The following TACC2 variants were observed in gnomAD, a reference collection of about 807,000 sequenced individuals.
The protein encoded by TACC2 is transforming acidic coiled-coil-containing protein 2.
In TACC2, 137 loss-of-function variants were observed where a neutral mutation model predicts 227.3. The observed-to-expected ratio is 0.60, with a 90% CI of 0.52 to 0.69. TACC2 has a LOEUF of 0.69. Ranked by LOEUF, TACC2 falls within the 30% of genes least tolerant of loss-of-function variation. TACC2 has a pLI of 0.00. For missense variants in TACC2, 3,470 were observed against 3,694.4 expected (o/e 0.94, Z 1.57); for synonymous variants, 1,523 against 1,487.5 (o/e 1.02, Z -0.55).
At chr10:122,089,706 C>T (rs903718490) in intron 5 of TACC2, among the ~76,000 whole-genome samples, 3 of 151,750 alleles carry the variant, frequency 2.0e-5, no homozygotes, top group African/African-American at 7.3e-5. Context: ...TAAATTAGTA[C>T]CTGTGTACCC....
chr10:122,071,058 A>G (rs1312045351), intron 3 of TACC2, among the ~76,000 whole-genome samples: 1 of 152,254 alleles, frequency 6.6e-6, no homozygotes, highest in African/African-American at 2.4e-5. Context: ...GCATTTTTCC[A>G]TGAAGCACTA....
chr10:122,132,799 C>G (rs530373607), intron 6 of TACC2, 65 bp downstream of exon 6: 1 of 1,556,410 alleles, frequency 6.4e-7, no homozygotes, highest in South Asian at 1.1e-5. Flanking sequence ...CTGCCTTCCC[C>G]CGCTCCCCTC....
At chr10:122,132,535 G>A in intron 5 of TACC2, 74 bp from the exon 6 acceptor site, 1 of 1,586,068 alleles carries the variant, frequency 6.3e-7, no homozygotes, top group South Asian at 1.1e-5. Context: ...GATAAGAAAA[G>A]CGAAACTCCG....
At chr10:122,144,480 A>G (rs559831914) in intron 7 of TACC2, among the ~76,000 whole-genome samples, 2 of 152,304 alleles carry the variant, frequency 1.3e-5, no homozygotes, top group African/African-American at 4.8e-5. Flanking sequence ...TAGAGAGCCA[A>G]ATGCATCTGG....
At chr10:122,214,346 TA>T (rs1483652028) in intron 9 of TACC2, among the ~76,000 whole-genome samples, 8 of 152,230 alleles carry the variant, frequency 5.3e-5, no homozygotes, top group African/African-American at 1.9e-4. Flanking sequence ...AATAGCCATT[TA>T]TTTTTTTTTC....
Position 122,194,842 on chromosome 10 carries a change from T to G in TACC2, c.5835-198T>G, listed in dbSNP as rs766594972. ...GAGCCGAGTTCAAAGAATACATCATTTGTGTGCAATCAGAGCCAGTGATAA... is the reference window on the plus strand; with the variant it reads ...GAGCCGAGTTCAAAGAATACATCATGTGTGTGCAATCAGAGCCAGTGATAA... On this transcript the variant is annotated intron_variant, in intron 7 of 22. Transcript: ENST00000369005. The surrounding 1 kb of genome is among the most constrained non-coding windows in gnomAD (Gnocchi z 4.4). 2.2e-4 allele frequency among the ~76,000 whole-genome samples: 33 copies of G among 152,128 alleles called. No homozygotes were observed. The highest frequency in any genetic ancestry group is 4.4e-4 in the Non-Finnish European group (30 of 68,032).
intron 5 of TACC2, among the ~76,000 whole-genome samples, chr10:122,093,332 G>T (rs1390253714): frequency 2.6e-5 from 4 of 152,044 alleles, no homozygotes; most frequent in Non-Finnish European, 4.4e-5. Flanking sequence ...CTTCTCTCTT[G>T]TCCTCCCATG....
intron 2 of TACC2, among the ~76,000 whole-genome samples, chr10:122,039,624 G>A (rs978701531): frequency 1.3e-5 from 2 of 152,114 alleles, no homozygotes; most frequent in African/African-American, 2.4e-5. Flanking sequence ...ACCTCTCCTC[G>A]GAGCCTCTAG....
At chr10:122,057,600 C>T (rs1449181245) in intron 3 of TACC2, among the ~76,000 whole-genome samples, 2 of 151,728 alleles carry the variant, frequency 1.3e-5, no homozygotes, top group Non-Finnish European at 2.9e-5. Context: ...GTCGGGAGTT[C>T]GAGACCAGCC....
intron 3 of TACC2, among the ~76,000 whole-genome samples, chr10:122,077,718 A>C (rs1027711496): frequency 6.6e-6 from 1 of 152,224 alleles, no homozygotes; most frequent in Non-Finnish European, 1.5e-5. Context: ...GTTCGGTGAG[A>C]GGCTGGTGCA....
At chr10:122,211,745 G>C in intron 9 of TACC2, 37 bp downstream of exon 9, 2 of 1,508,206 alleles carry the variant, frequency 1.3e-6, no homozygotes, top group South Asian at 2.7e-5. Flanking sequence ...GATCAGAGGC[G>C]GGGGTGCGCA....
chr10:122,097,068 A>G (rs570880069), intron 5 of TACC2, among the ~76,000 whole-genome samples: 2 of 152,262 alleles, frequency 1.3e-5, no homozygotes, highest in South Asian at 4.2e-4. Flanking sequence ...GCTCATGCCT[A>G]TAATCTCAGC....
intron 1 of TACC2, among the ~76,000 whole-genome samples, chr10:121,997,535 G>A (rs939206662): frequency 2.6e-5 from 4 of 152,198 alleles, no homozygotes; most frequent in Admixed American, 6.5e-5. Context: ...GGTTGATGTG[G>A]TGGGCCAGGA....
chr10:122,028,762 T>C (rs541373567), intron 2 of TACC2, among the ~76,000 whole-genome samples: 37 of 56,850 alleles, frequency 6.5e-4, no homozygotes, highest in African/African-American at 2.4e-3. Flanking sequence ...CTTCCCCTTC[T>C]GTTCCCTTCC....
At chr10:122,129,190 C>T (rs893617948) in intron 5 of TACC2, among the ~76,000 whole-genome samples, 2 of 151,718 alleles carry the variant, frequency 1.3e-5, no homozygotes, top group Non-Finnish European at 2.9e-5. Context: ...AAGCGATTCT[C>T]CTGCCTCAGG....
chr10:122,123,182 T>G (rs895312216), intron 5 of TACC2, among the ~76,000 whole-genome samples: 2 of 152,178 alleles, frequency 1.3e-5, no homozygotes, highest in African/African-American at 4.8e-5. Context: ...TTTTTGTATT[T>G]TTAGTACAGA....
chr10:122,058,160 A>G (rs1591539923), intron 3 of TACC2, among the ~76,000 whole-genome samples: 1 of 152,210 alleles, frequency 6.6e-6, no homozygotes, highest in Non-Finnish European at 1.5e-5. Flanking sequence ...TGTTGTCTAC[A>G]CCACAAAGTG....
intron 1 of TACC2, among the ~76,000 whole-genome samples, chr10:122,005,596 GA>G (rs1240375878): frequency 6.8e-6 from 1 of 147,768 alleles, no homozygotes; most frequent in Non-Finnish European, 1.5e-5. Flanking sequence ...ATGTTAGCCA[GA>G]ATGGTCTCGA....
chr10:122,224,008 T>C (rs2095573246), intron 11 of TACC2, among the ~76,000 whole-genome samples: 1 of 152,168 alleles, frequency 6.6e-6, no homozygotes, highest in South Asian at 2.1e-4. Flanking sequence ...GGGAGTTCAG[T>C]TGAGTGTCAG....
Sources: gnomAD v4.1 joint callset for allele counts (sites outside exome capture counted in the v4.1 genomes callset) on GRCh38, gnomAD v4.1.1 for gene constraint, Gnocchi (gnomAD v3.1) non-coding constraint, MANE v1.5 for transcripts, NCBI Gene and HGNC (gene_info 2026-07-23, HGNC 2026-07-21) for gene names.